The following RAB38 variants were observed in gnomAD, a reference collection of about 807,000 sequenced individuals.
RAB38 encodes ras-related protein Rab-38.
A neutral mutation model predicts 18.4 loss-of-function variants in RAB38; 15 were observed. The ratio of observed to expected loss-of-function variants is 0.82; its 90% CI spans 0.55 to 1.26. The LOEUF (loss-of-function observed/expected upper bound fraction) is 1.26. RAB38 is among the 50% of genes most tolerant of loss of function. The pLI is 0.00. For synonymous variants in RAB38, 101 were observed against 104.4 expected (o/e 0.97, Z 0.20); for missense variants, 294 against 267.4 (o/e 1.10, Z -0.69).
chr11:87,921,902 T>C, the RAB38 span, among the ~76,000 whole-genome samples: 3 of 151,860 alleles, frequency 2.0e-5, no homozygotes, highest in Non-Finnish European at 4.4e-5. Flanking sequence ...TTCTAAGCAA[T>C]GAAACACATG....
At chr11:88,054,983 G>A in the RAB38 span, among the ~76,000 whole-genome samples, 1 of 152,138 alleles carries the variant, frequency 6.6e-6, no homozygotes, top group African/African-American at 2.4e-5. Flanking sequence ...AAAAATCTAG[G>A]TAGACTATTT....
chr11:87,918,304 T>C, the RAB38 span, among the ~76,000 whole-genome samples: 1 of 152,140 alleles, frequency 6.6e-6, no homozygotes, highest in Non-Finnish European at 1.5e-5. Flanking sequence ...AACACTTAGA[T>C]TTATTTCATA....
the RAB38 span, among the ~76,000 whole-genome samples, chr11:88,070,840 G>C: frequency 6.6e-6 from 1 of 152,140 alleles, no homozygotes. Context: ...GAACTACACT[G>C]AATTACAAAG....
the RAB38 span, among the ~76,000 whole-genome samples, chr11:87,880,438 C>A: frequency 6.6e-6 from 1 of 151,802 alleles, no homozygotes; most frequent in Non-Finnish European, 1.5e-5. Context: ...CAGCCTAGAT[C>A]TCCAAGTTAC....
intron 1 of RAB38, among the ~76,000 whole-genome samples, chr11:88,157,349 G>A (rs191814173): frequency 2.6e-4 from 40 of 152,310 alleles, no homozygotes; most frequent in African/African-American, 9.6e-4. Context: ...CATAAAACAA[G>A]TACTTCTAGA....
the RAB38 span, among the ~76,000 whole-genome samples, chr11:87,865,253 T>G: frequency 6.6e-6 from 1 of 151,722 alleles, no homozygotes; most frequent in African/African-American, 2.4e-5. Flanking sequence ...TTTGTAAATA[T>G]GATTAAAGTA....
the RAB38 span, among the ~76,000 whole-genome samples, chr11:88,007,825 AG>A: frequency 1.3e-5 from 2 of 152,092 alleles, no homozygotes; most frequent in Non-Finnish European, 2.9e-5. Flanking sequence ...AACTAGGGGT[AG>A]GGGTAAGATC....
At chr11:87,886,800 A>G in the RAB38 span, among the ~76,000 whole-genome samples, 1 of 151,272 alleles carries the variant, frequency 6.6e-6, no homozygotes. Flanking sequence ...GGTTTCATGA[A>G]GATGTCCTGA....
the RAB38 span, among the ~76,000 whole-genome samples, chr11:87,977,930 C>T: frequency 1 from 95,336 of 95,442 alleles, 47,615 homozygotes; most frequent in Middle Eastern, 1. Flanking sequence ...TGTAGTGACA[C>T]CTTTATATAA....
At chr11:88,134,143 C>T (rs1345889974) in intron 2 of RAB38, among the ~76,000 whole-genome samples, 1 of 152,160 alleles carries the variant, frequency 6.6e-6, no homozygotes, top group Non-Finnish European at 1.5e-5. Context: ...GTATAGTAAC[C>T]TTTTAGACTT....
chr11:87,893,390 A>ATATATATATATATATATATATATAT, the RAB38 span, among the ~76,000 whole-genome samples: 20 of 93,912 alleles, frequency 2.1e-4, no homozygotes, highest in Middle Eastern at 6.6e-3. Flanking sequence ...ATATATATAT[A>ATATATATATATATATATATATATAT]TTTTTTTTTT....
chr11:87,908,615 A>T, the RAB38 span, among the ~76,000 whole-genome samples: 618 of 152,130 alleles, frequency 4.1e-3, 7 homozygotes, highest in African/African-American at 0.014. Context: ...AGTGTCTAGC[A>T]CTGTGCCTGT....
chr11:87,955,873 G>GCA, the RAB38 span, among the ~76,000 whole-genome samples: 7,453 of 148,536 alleles, frequency 0.05, 196 homozygotes, highest in Non-Finnish European at 0.062. Context: ...CAAACAGTAT[G>GCA]CACACACACA....
the RAB38 span, among the ~76,000 whole-genome samples, chr11:87,962,615 A>G: frequency 3.3e-5 from 5 of 152,162 alleles, no homozygotes; most frequent in African/African-American, 1.2e-4. Flanking sequence ...TAAGTTTTCA[A>G]CTAATATATA....
chr11:87,841,735 T>C, the RAB38 span, among the ~76,000 whole-genome samples: 6 of 152,316 alleles, frequency 3.9e-5, no homozygotes, highest in East Asian at 1.2e-3. Flanking sequence ...TCATTGTTTA[T>C]AGGTGAACAC....
chr11:88,150,149 C>G (rs1349764694), intron 1 of RAB38, among the ~76,000 whole-genome samples, 194 bp from the exon 2 acceptor site: 4 of 152,126 alleles, frequency 2.6e-5, no homozygotes, highest in Non-Finnish European at 5.9e-5. Flanking sequence ...GGGAATTCAT[C>G]CATTTAACAA....
At chr11:88,154,951 G>T (rs1943107325) in intron 1 of RAB38, among the ~76,000 whole-genome samples, 1 of 152,238 alleles carries the variant, frequency 6.6e-6, no homozygotes, top group African/African-American at 2.4e-5. Context: ...CCTGTGCAGA[G>T]ATTGCGGTGC....
At chr11:88,167,036 G>A (rs1403514431) in intron 1 of RAB38, 1 of 152,126 alleles carries the variant, frequency 6.6e-6, no homozygotes, top group Non-Finnish European at 1.5e-5. Flanking sequence ...GGAGGAAAAA[G>A]ACATTCCAAT....
At chr11:88,154,499 G>T (rs1943101757) in intron 1 of RAB38, among the ~76,000 whole-genome samples, 1 of 152,196 alleles carries the variant, frequency 6.6e-6, no homozygotes, top group Admixed American at 6.5e-5. Flanking sequence ...CAGGTGTCCA[G>T]CCTGCTCCCC....
Sources: allele counts gnomAD v4.1 joint callset (sites outside exome capture counted in the v4.1 genomes callset), GRCh38; gene constraint gnomAD v4.1.1; transcripts MANE v1.5; gene names NCBI Gene and HGNC (gene_info 2026-07-23, HGNC 2026-07-21).